DENND1A: variants seen among roughly 807,000 people sequenced by gnomAD.
The protein encoded by DENND1A is DENN domain-containing protein 1A.
In DENND1A, 51 loss-of-function variants were observed where a neutral mutation model predicts 113.7. The ratio of observed to expected loss-of-function variants is 0.45; its 90% CI spans 0.36 to 0.57. DENND1A has a LOEUF of 0.57. Among genes scored for constraint, DENND1A ranks in the 20% least tolerant of loss-of-function variants. The pLI is 0.00. For synonymous variants in DENND1A, 565 were observed against 570.8 expected (o/e 0.99, Z 0.14); for missense variants, 1,258 against 1,395.9 (o/e 0.90, Z 1.57).
At chr9:123,496,885 T>TC (rs762653169) in intron 13 of DENND1A, among the ~76,000 whole-genome samples, 5 of 152,226 alleles carry the variant, frequency 3.3e-5, no homozygotes, top group Non-Finnish European at 7.3e-5. Context: ...AACTCACTGG[T>TC]CATACTGCCC....
Position 123,750,092 on chromosome 9 carries a change from C to T in DENND1A, c.302+7611G>A, listed in dbSNP as rs575879793. On this transcript the variant is annotated intron_variant, in intron 5 of 23. Transcript: ENST00000394215. ...GCCTGAGGCTGGCTGCTTGTTCCAG[C>T]CCCCATGGCCACTGCAGAAGACACA... 2.0e-5 allele frequency among the ~76,000 whole-genome samples: 3 copies of T among 152,298 alleles called. No individual in the cohort carries two copies. In the East Asian group the frequency reaches 5.8e-4, roughly 29 times the overall value.
chr9:123,785,091 G>A (rs754639954), intron 3 of DENND1A, among the ~76,000 whole-genome samples: 4 of 152,134 alleles, frequency 2.6e-5, no homozygotes, highest in Non-Finnish European at 5.9e-5. Flanking sequence ...TGGAATCCCA[G>A]CACTTTGGGA....
At chr9:123,520,159 A>C (rs2054277367) in intron 13 of DENND1A, among the ~76,000 whole-genome samples, 2 of 150,048 alleles carry the variant, frequency 1.3e-5, no homozygotes, top group Non-Finnish European at 3.0e-5. Flanking sequence ...AAAAAAAAAA[A>C]AAAAAAAAAA....
chr9:123,564,234 C>A (rs529774284), intron 12 of DENND1A, among the ~76,000 whole-genome samples: 6 of 152,352 alleles, frequency 3.9e-5, no homozygotes, highest in East Asian at 1.9e-4. Flanking sequence ...TAGTGCTCAA[C>A]AAGTAGAGTG....
chr9:123,717,172 C>T (rs780684095), intron 5 of DENND1A, among the ~76,000 whole-genome samples: 5 of 152,094 alleles, frequency 3.3e-5, no homozygotes, highest in Non-Finnish European at 5.9e-5. Flanking sequence ...AGATAGTTGG[C>T]AAGTGACAGC....
At chr9:123,515,132 A>C (rs1156572183) in intron 13 of DENND1A, among the ~76,000 whole-genome samples, 1 of 152,356 alleles carries the variant, frequency 6.6e-6, no homozygotes, top group South Asian at 2.1e-4. Flanking sequence ...GAGACATAAC[A>C]ACCATAGGCA....
At chr9:123,846,741 A>G (rs1294526099) in intron 2 of DENND1A, among the ~76,000 whole-genome samples, 2 of 152,216 alleles carry the variant, frequency 1.3e-5, no homozygotes, top group Non-Finnish European at 2.9e-5. Flanking sequence ...CAAAGTTTTT[A>G]TTTGAGGTGT....
chr9:123,904,811 A>C (rs1476308748), intron 1 of DENND1A, among the ~76,000 whole-genome samples: 1 of 152,138 alleles, frequency 6.6e-6, no homozygotes, highest in Non-Finnish European at 1.5e-5. Context: ...GAACTTCCCC[A>C]ATCTAGCAAG....
At chr9:123,579,486 C>T (rs1397215913) in intron 12 of DENND1A, among the ~76,000 whole-genome samples, 1 of 152,058 alleles carries the variant, frequency 6.6e-6, no homozygotes, top group East Asian at 1.9e-4. Flanking sequence ...AGAAAGGTCA[C>T]TCTGGGGCAT....
chr9:123,515,195 A>G lies in DENND1A; in HGVS notation c.993+42375T>C, dbSNP rs188211492. 5.2e-5 allele frequency among the ~76,000 whole-genome samples: 8 copies of G among 152,382 alleles called. No individual in the cohort carries two copies. The East Asian group carries it at 1.5e-3, about 29-fold the overall frequency. Reference sequence around the variant, plus strand: ...TACATTAAGCAAGAAAGATGATTAGAAAAGATATTTTGGAGTCAACTGGGA... The same window carrying G: ...TACATTAAGCAAGAAAGATGATTAGGAAAGATATTTTGGAGTCAACTGGGA... On this transcript the variant is annotated intron_variant, in intron 13 of 23. Coordinates refer to ENST00000394215, the MANE Select transcript of DENND1A (RefSeq NM_001352964.2).
At chr9:123,402,260 A>ACACACACACG (rs61166421) in intron 21 of DENND1A, among the ~76,000 whole-genome samples, 3 of 151,704 alleles carry the variant, frequency 2.0e-5, no homozygotes, top group African/African-American at 7.3e-5. Context: ...ACACACACAC[A>ACACACACACG]CACGCACGCA....
intron 13 of DENND1A, among the ~76,000 whole-genome samples, chr9:123,506,580 CAA>C (rs10542393): frequency 6.8e-5 from 5 of 73,896 alleles, no homozygotes; most frequent in African/African-American, 2.7e-4. Flanking sequence ...GACTCTGTCT[CAA>C]AAAAAAAAAA....
At chr9:123,585,270 G>C (rs2059107531) in intron 11 of DENND1A, among the ~76,000 whole-genome samples, 1 of 152,102 alleles carries the variant, frequency 6.6e-6, no homozygotes, top group Non-Finnish European at 1.5e-5. Flanking sequence ...CACAGAGGAG[G>C]GACACAATTG....
In DENND1A at chr9:123,842,960, C is replaced by A. The variant is rs1842038934; in HGVS notation, c.88+35991G>T. On this transcript the variant is annotated intron_variant, in intron 2 of 23. Transcript: ENST00000394215. ...CTGCATTAGGGCCAGGACAGCCCTT[C>A]CCACATGATAGTAGGATGCAGTAGT... 3 of 349,032 alleles carry A rather than the reference C, an allele frequency of 8.6e-6. No homozygotes were observed. In the Admixed American group the frequency reaches 1.3e-4, roughly 15 times the overall value. The allele number at this position is 349,032 out of a possible 1,614,324, so 21.6% of individuals were successfully genotyped here.
chr9:123,792,474 T>C, intron 3 of DENND1A, 113 bp downstream of exon 3: 1 of 1,124,958 alleles, frequency 8.9e-7, no homozygotes, highest in Admixed American at 2.4e-5. Flanking sequence ...ATTACTGCTT[T>C]TCTTCCCTTC....
At chr9:123,885,609 A>C (rs1245768378) in intron 1 of DENND1A, among the ~76,000 whole-genome samples, 4 of 152,226 alleles carry the variant, frequency 2.6e-5, no homozygotes, top group African/African-American at 9.6e-5. Flanking sequence ...ACACTGAAAA[A>C]TGGCAAATAC....
At chr9:123,545,152 C>T (rs2056574805) in intron 13 of DENND1A, among the ~76,000 whole-genome samples, 1 of 151,936 alleles carries the variant, frequency 6.6e-6, no homozygotes, top group Non-Finnish European at 1.5e-5. Context: ...TCCTACTGAG[C>T]ACCTTCTATG....
intron 7 of DENND1A, 65 bp from the exon 8 acceptor site, chr9:123,667,144 T>C (rs2063530717): frequency 6.8e-7 from 1 of 1,460,160 alleles, no homozygotes; most frequent in African/African-American, 1.4e-5. Flanking sequence ...TTACTCAGAA[T>C]TCAGGTAAAT....
At chr9:123,662,662 A>G (rs1407710616) in intron 8 of DENND1A, among the ~76,000 whole-genome samples, 1 of 152,226 alleles carries the variant, frequency 6.6e-6, no homozygotes, top group East Asian at 1.9e-4. Flanking sequence ...TCTCACCAAA[A>G]TGAGGGAGTG....
Sources: gnomAD v4.1 joint callset for allele counts (sites outside exome capture counted in the v4.1 genomes callset) on GRCh38, gnomAD v4.1.1 for gene constraint, MANE v1.5 for transcripts, NCBI Gene and HGNC (gene_info 2026-07-23, HGNC 2026-07-21) for gene names.